Variants in PAPPA observed in about 807,000 individuals in gnomAD.
PAPPA encodes pappalysin 1.
Under a neutral mutation model 164.0 loss-of-function variants are expected in PAPPA, and 60 were observed. That is an observed-to-expected ratio of 0.37 (90% CI 0.30 to 0.45). The LOEUF is 0.45. PAPPA is among the 20% of genes least tolerant of loss of function. PAPPA has a pLI of 1.00. For missense variants in PAPPA, 1,782 were observed against 2,087.3 expected, an observed-to-expected ratio of 0.85 and a Z score of 2.85; for synonymous variants, 875 against 814.1, an observed-to-expected ratio of 1.07 and a Z score of -1.27.
chr9:116,303,111 A>T (rs1845600403), intron 10 of PAPPA, among the ~76,000 whole-genome samples, 161 bp downstream of exon 10: 1 of 152,204 alleles, frequency 6.6e-6, no homozygotes, highest in Non-Finnish European at 1.5e-5. Context: ...TTTGTAAAAG[A>T]TTAGATCTGG....
intron 8 of PAPPA, among the ~76,000 whole-genome samples, chr9:116,266,607 G>T (rs1248017929): frequency 1.3e-5 from 2 of 152,192 alleles, no homozygotes; most frequent in African/African-American, 4.8e-5. Context: ...CAATCAGTAA[G>T]TGTGGATTTT....
intron 13 of PAPPA, among the ~76,000 whole-genome samples, chr9:116,343,275 G>A (rs1008994208): frequency 1.3e-5 from 2 of 152,156 alleles, no homozygotes; most frequent in African/African-American, 4.8e-5. Flanking sequence ...CCAAGAATGA[G>A]GATTTCATGC....
At chr9:116,376,679 T>A (rs919644645) in intron 19 of PAPPA, among the ~76,000 whole-genome samples, 4 of 152,214 alleles carry the variant, frequency 2.6e-5, no homozygotes, top group Non-Finnish European at 4.4e-5. Flanking sequence ...AGGCTATAAA[T>A]AAGTGCCTAT....
At chr9:116,296,179 T>C (rs1007611465) in intron 9 of PAPPA, among the ~76,000 whole-genome samples, 4 of 152,238 alleles carry the variant, frequency 2.6e-5, no homozygotes, top group Non-Finnish European at 5.9e-5. Context: ...GGAAATTTTA[T>C]AGTGAAGCTG....
intron 5 of PAPPA, among the ~76,000 whole-genome samples, chr9:116,221,654 G>T (rs918162632): frequency 6.6e-6 from 1 of 151,904 alleles, no homozygotes; most frequent in African/African-American, 2.4e-5. Flanking sequence ...TCTCAGACTC[G>T]TATGTGCTTT....
chr9:116,195,930 T>C (rs1844098927), intron 2 of PAPPA, among the ~76,000 whole-genome samples: 1 of 152,162 alleles, frequency 6.6e-6, no homozygotes, highest in South Asian at 2.1e-4. Flanking sequence ...AACCGAATGC[T>C]AATATATTGA....
chr9:116,316,261 AG>A (rs1441686437), intron 10 of PAPPA: 1 of 152,246 alleles, frequency 6.6e-6, no homozygotes, highest in Non-Finnish European at 1.5e-5. Context: ...GAGTTTATGA[AG>A]GGTTCAAGGC....
chr9:116,301,347 C>T (rs1845577167), intron 9 of PAPPA, among the ~76,000 whole-genome samples: 1 of 152,170 alleles, frequency 6.6e-6, no homozygotes, highest in Admixed American at 6.5e-5. Flanking sequence ...AGTCCTGCAA[C>T]ATGTAGACTT....
chr9:116,344,507 G>A (rs140767719), intron 13 of PAPPA, 36 bp from the exon 14 acceptor site: 2 of 1,596,542 alleles, frequency 1.3e-6, no homozygotes, highest in East Asian at 4.5e-5. Context: ...GTCCTGTGAG[G>A]AGACTCCTTC....
chr9:116,335,288 G>C lies in PAPPA; in HGVS notation c.3611+214G>C, dbSNP rs142291815. On this transcript the variant is annotated intron_variant, in intron 13 of 21. Coordinates refer to ENST00000328252, the MANE Select transcript of PAPPA (RefSeq NM_002581.5). ...GGGAAACGGTTGTGTGGTGAAAAAA[G>C]AACCTCATTCACCTGGCTTGCAGCG... Among the ~76,000 whole-genome samples the C allele has an allele frequency of 9.6e-3, 1,468 of 152,196 alleles. 8 individuals carry two copies. The highest frequency in any genetic ancestry group is 0.017 in the Admixed American group (256 of 15,296).
intron 9 of PAPPA, among the ~76,000 whole-genome samples, chr9:116,277,393 A>G (rs899360863): frequency 5.9e-5 from 9 of 152,124 alleles, no homozygotes; most frequent in Non-Finnish European, 1.2e-4. Context: ...GGGTGATAAT[A>G]TCTCAGCTAG....
In PAPPA at chr9:116,397,313, A is replaced by G. The variant is rs1846978152; in HGVS notation, c.*697A>G. ...CCATGGGGGATTTTACCCCAACTCC[A>G]GGGTTCGAGGCCAATCTGAGAATGG... On this transcript the variant is annotated 3_prime_UTR_variant, in exon 22 of 22. Coordinates refer to ENST00000328252, the MANE Select transcript of PAPPA (RefSeq NM_002581.5). 1 of 152,658 alleles carries G rather than the reference A, an allele frequency of 6.6e-6. No individual in the cohort carries two copies. The highest frequency in any genetic ancestry group is 2.4e-5 in the African/African-American group (1 of 41,438). The allele number at this position is 152,658 out of a possible 1,614,324, so 9.5% of individuals were successfully genotyped here.
At chr9:116,309,574 G>T (rs1845690283) in intron 10 of PAPPA, among the ~76,000 whole-genome samples, 2 of 152,156 alleles carry the variant, frequency 1.3e-5, no homozygotes, top group African/African-American at 4.8e-5. Flanking sequence ...ACTGAGAGGA[G>T]GTCAGGGAGA....
chr9:116,356,198 G>C (rs890695859), intron 17 of PAPPA, among the ~76,000 whole-genome samples: 7 of 152,182 alleles, frequency 4.6e-5, no homozygotes, highest in African/African-American at 1.7e-4. Flanking sequence ...TGTAGTTTGA[G>C]TTCAAATCCC....
chr9:116,164,129 G>T (rs1024178657), intron 1 of PAPPA, among the ~76,000 whole-genome samples: 5 of 152,174 alleles, frequency 3.3e-5, no homozygotes, highest in Admixed American at 1.3e-4. Flanking sequence ...CACCGGCCTT[G>T]TAGTATTGCT....
Position 116,211,932 on chromosome 9 carries a change from G to T in PAPPA, c.1918G>T (p.Asp640Tyr), listed in dbSNP as rs1844313280. ...TTACAACAACTTCATGAGCTATGCA[G>T]GTAGGGCCCTACACTCTGTAGGGTG... Reference protein sequence around the residue: ...TPYNNFMSYADDDCTDSFTPN... With the variant: ...TPYNNFMSYAYDDCTDSFTPN... The change falls in exon 4 of 22, where the codon GAT (aspartate) becomes TAT (tyrosine). Residue 640 changes from aspartate to tyrosine, a missense_variant and splice_region_variant. By Grantham distance (160) the Asp-to-Tyr change is radical. Coordinates refer to ENST00000328252, the MANE Select transcript of PAPPA (RefSeq NM_002581.5). The T allele has an allele frequency of 6.2e-7, 1 of 1,613,454 alleles. No homozygotes were observed. The highest frequency in any genetic ancestry group is 1.3e-5 in the African/African-American group (1 of 74,882).
chr9:116,288,035 G>A (rs1222006619), intron 9 of PAPPA, among the ~76,000 whole-genome samples: 1 of 152,140 alleles, frequency 6.6e-6, no homozygotes, highest in African/African-American at 2.4e-5. Context: ...AAAGGGCAGT[G>A]GTTTTGATTG....
chr9:116,237,842 C>T (rs574043234), intron 7 of PAPPA, among the ~76,000 whole-genome samples: 1 of 152,140 alleles, frequency 6.6e-6, no homozygotes, highest in East Asian at 1.9e-4. Context: ...GCCTCAGCCT[C>T]CTGAGTAGCT....
intron 12 of PAPPA, among the ~76,000 whole-genome samples, chr9:116,333,844 T>C (rs1846024633): frequency 6.6e-6 from 1 of 151,942 alleles, no homozygotes; most frequent in Non-Finnish European, 1.5e-5. Context: ...GCCTGAGGCT[T>C]TTCTGTTTTT....
Sources: allele counts gnomAD v4.1 joint callset (sites outside exome capture counted in the v4.1 genomes callset), GRCh38; gene constraint gnomAD v4.1.1; transcripts MANE v1.5; gene names NCBI Gene and HGNC (gene_info 2026-07-23, HGNC 2026-07-21).